PAPPA2: variants seen among roughly 807,000 people sequenced by gnomAD.
The protein encoded by PAPPA2 is pappalysin 2, also known as pappalysin-2.
A neutral mutation model predicts 176.4 loss-of-function variants in PAPPA2; 86 were observed. The observed-to-expected ratio is 0.49, with a 90% CI of 0.41 to 0.58. The LOEUF is 0.58. Ranked by LOEUF, PAPPA2 falls within the 20% of genes least tolerant of loss-of-function variation. The pLI is 0.00. For synonymous variants in PAPPA2, 809 were observed against 852.2 expected (o/e 0.95, Z 0.88); for missense variants, 2,073 against 2,256.9 (o/e 0.92, Z 1.65).
intron 15 of PAPPA2, 89 bp from the exon 16 acceptor site, chr1:176,769,517 AG>A: frequency 7.4e-7 from 1 of 1,355,424 alleles, no homozygotes; most frequent in Non-Finnish European, 1.0e-6. Context: ...ATGTTTAGAC[AG>A]ATAATCACCA....
rs187966609 is a variant in PAPPA2, at chr1:176,816,077, T to C, written c.5202+15945T>C. Among the ~76,000 whole-genome samples, 168 of 148,092 alleles carry C rather than the reference T, an allele frequency of 1.1e-3. 2 individuals carry two copies. Among genetic ancestry groups the C allele is most frequent in the African/African-American group, 4.0e-3 (161 of 40,364 alleles). Reference sequence around the variant, plus strand: ...GAATAAAATGGAAGGCAGGTTTGTCTGACATAGTTCCCAGCTTGACTTTTC... The same window carrying C: ...GAATAAAATGGAAGGCAGGTTTGTCCGACATAGTTCCCAGCTTGACTTTTC... On this transcript the variant is annotated intron_variant, in intron 21 of 22. Coordinates refer to ENST00000367662, the MANE Select transcript of PAPPA2 (RefSeq NM_020318.3).
In PAPPA2 at chr1:176,711,934, G is replaced by A. The variant is rs1404779108; in HGVS notation, c.3751G>A (p.Glu1251Lys). 2.5e-6 allele frequency: 4 copies of A among 1,613,714 alleles called. No homozygotes were observed. Among genetic ancestry groups the A allele is most frequent in the African/African-American group, 2.7e-5 (2 of 74,874 alleles). Residue 1251 changes from glutamate (E) to lysine (K), a missense_variant, in exon 12 of 23, where the codon GAA becomes AAA. Glu to Lys is a moderately conservative substitution (Grantham distance 56). Around this residue, in one of 4 missense-constraint regions of PAPPA2, gnomAD observed 846 missense variants for 857.9 expected, o/e 0.99. Coordinates refer to ENST00000367662, the MANE Select transcript of PAPPA2 (RefSeq NM_020318.3). ...AAATGAAACTCAGGATGACAGGAGT[G>A]AACAGCCAGAAGGTAGCCTGAAGAA... ...SENETQDDRSEQPEGSLKKED... is the reference protein window; with the variant it reads ...SENETQDDRSKQPEGSLKKED...
chr1:176,497,056 C>T (rs1320171236), intron 1 of PAPPA2, among the ~76,000 whole-genome samples: 1 of 152,138 alleles, frequency 6.6e-6, no homozygotes, highest in Non-Finnish European at 1.5e-5. Context: ...GGACCTGTGA[C>T]ACATATATGT....
intron 3 of PAPPA2, among the ~76,000 whole-genome samples, chr1:176,641,308 T>G (rs967625053): frequency 6.6e-6 from 1 of 152,088 alleles, no homozygotes; most frequent in African/African-American, 2.4e-5. Context: ...TCTTCTAGGG[T>G]TTTTATGGTT....
intron 1 of PAPPA2, among the ~76,000 whole-genome samples, chr1:176,490,132 CT>C (rs1469698249): frequency 2.0e-5 from 3 of 149,588 alleles, no homozygotes; most frequent in Non-Finnish European, 3.0e-5. Flanking sequence ...AGCAAAGTTT[CT>C]TTTAAGTGTC....
chr1:176,763,778 A>G (rs1663804413), intron 14 of PAPPA2, among the ~76,000 whole-genome samples: 1 of 152,238 alleles, frequency 6.6e-6, no homozygotes, highest in Non-Finnish European at 1.5e-5. Context: ...GAAATTTAGA[A>G]GGGAGTTATT....
intron 15 of PAPPA2, among the ~76,000 whole-genome samples, chr1:176,766,907 G>GT (rs1183786189): frequency 3.7e-5 from 5 of 134,078 alleles, no homozygotes; most frequent in African/African-American, 6.4e-5. Flanking sequence ...TACAAGAGTT[G>GT]ATTTTTTTTT....
chr1:176,552,103 C>T (rs1573029044), intron 1 of PAPPA2, among the ~76,000 whole-genome samples: 1 of 152,096 alleles, frequency 6.6e-6, no homozygotes, highest in African/African-American at 2.4e-5. Flanking sequence ...CCTCCCTTCA[C>T]CTGCCTCTGA....
At chr1:176,659,238 G>A (rs993155341) in intron 3 of PAPPA2, among the ~76,000 whole-genome samples, 3 of 151,948 alleles carry the variant, frequency 2.0e-5, no homozygotes, top group African/African-American at 7.2e-5. Context: ...GTAATATATT[G>A]TCTCACAGTT....
chr1:176,666,576 T>G (rs1007809470), intron 3 of PAPPA2, among the ~76,000 whole-genome samples: 1 of 134,680 alleles, frequency 7.4e-6, no homozygotes, highest in African/African-American at 2.7e-5. Flanking sequence ...TGTGTGTGTG[T>G]GTGTGTGTGT....
At chr1:176,587,269 G>A (rs922174831) in intron 2 of PAPPA2, among the ~76,000 whole-genome samples, 2 of 151,930 alleles carry the variant, frequency 1.3e-5, no homozygotes, top group Admixed American at 1.3e-4. Flanking sequence ...AGTTTCTTTT[G>A]CTGTGCAGAA....
intron 12 of PAPPA2, among the ~76,000 whole-genome samples, chr1:176,734,699 A>G (rs562688632): frequency 6.6e-6 from 1 of 152,260 alleles, no homozygotes; most frequent in Admixed American, 6.5e-5. Context: ...ACAAAATTTC[A>G]GAAGTCCACA....
chr1:176,480,049 C>T (rs1014475866), intron 1 of PAPPA2, among the ~76,000 whole-genome samples: 1 of 152,206 alleles, frequency 6.6e-6, no homozygotes, highest in Non-Finnish European at 1.5e-5. Context: ...TGCCTGACAA[C>T]CTCTGTAGCC....
In PAPPA2 at chr1:176,695,853, G is replaced by C; in HGVS notation, c.2740G>C (p.Ala914Pro). Residue 914 changes from alanine (A) to proline (P), a missense_variant, in exon 7 of 23, where the codon GCT becomes CCT. Physicochemically the swap from Ala to Pro is conservative, Grantham distance 27. Transcript: ENST00000367662. ...DSSGYWTPEE[A>P]VGPPDVDQPC... ...CTCAGGTTATTGGACCCCAGAGGAG[G>C]CTGTGGGTAAAGTACCATGACATTT... The C allele has an allele frequency of 1.9e-6, 3 of 1,613,948 alleles. No homozygotes were observed. Among genetic ancestry groups the C allele is most frequent in the Non-Finnish European group, 2.5e-6 (3 of 1,179,988 alleles).
rs775747048 is a variant in PAPPA2 at position 176,793,637 on chromosome 1, C to G, written c.5098C>G (p.Leu1700Val). ...ACCTGAGAATATCACTGCTGACACT[C>G]TGGAGCACTGGATGGAACCTGTCAA... is the stretch of plus-strand genomic sequence containing the variant. ...MLPENITADTLEHWMEPVKVQ... is the reference protein window; with the variant it reads ...MLPENITADTVEHWMEPVKVQ... The change falls in exon 20 of 23, where the codon CTG (leucine) becomes GTG (valine). Residue 1700 changes from leucine (L) to valine (V), a missense_variant. By Grantham distance (32) the Leu-to-Val change is conservative. This residue lies in a region of PAPPA2 where 846 missense variants were observed against 857.9 expected (regional missense o/e 0.99). Coordinates refer to ENST00000367662, the MANE Select transcript of PAPPA2 (RefSeq NM_020318.3). 3.7e-6 allele frequency: 6 copies of G among 1,612,196 alleles called. No homozygotes were observed. The highest frequency in any genetic ancestry group is 4.2e-6 in the Non-Finnish European group (5 of 1,178,688).
chr1:176,567,641 G>A (rs1652065423), intron 2 of PAPPA2, among the ~76,000 whole-genome samples: 1 of 152,202 alleles, frequency 6.6e-6, no homozygotes, highest in Admixed American at 6.5e-5. Flanking sequence ...GTTATGCCTG[G>A]AAGGTGCTCA....
At chr1:176,520,378 C>T (rs777193179) in intron 1 of PAPPA2, among the ~76,000 whole-genome samples, 64 of 152,186 alleles carry the variant, frequency 4.2e-4, no homozygotes, top group Admixed American at 7.2e-4. Context: ...ACCTGACTTA[C>T]TGGAAGTCTT....
At chr1:176,785,007 C>T (rs965750972) in intron 17 of PAPPA2, among the ~76,000 whole-genome samples, 1 of 152,168 alleles carries the variant, frequency 6.6e-6, no homozygotes, top group Non-Finnish European at 1.5e-5. Context: ...CTTCCAAAGA[C>T]CCTACTCCCT....
intron 3 of PAPPA2, among the ~76,000 whole-genome samples, chr1:176,641,758 ACC>A (rs1657105986): frequency 6.6e-6 from 1 of 151,838 alleles, no homozygotes; most frequent in Admixed American, 6.6e-5. Flanking sequence ...TTTTATGAAA[ACC>A]TTCTTGAGGA....
Sources: allele counts gnomAD v4.1 joint callset (sites outside exome capture counted in the v4.1 genomes callset), GRCh38; gene constraint gnomAD v4.1.1; regional missense constraint gnomAD v4.1.1; transcripts MANE v1.5; gene names NCBI Gene and HGNC (gene_info 2026-07-23, HGNC 2026-07-21).